POLR1C: variants seen among roughly 807,000 people sequenced by gnomAD.
The protein encoded by POLR1C is RNA polymerase I and III subunit C.
Under a neutral mutation model 38.3 loss-of-function variants are expected in POLR1C, and 42 were observed. The observed-to-expected ratio is 1.10, with a 90% CI of 0.86 to 1.42. The LOEUF (loss-of-function observed/expected upper bound fraction) is 1.42, where lower values mean the gene tolerates loss of function less well. Among genes scored for constraint, POLR1C ranks in the 40% most tolerant of loss-of-function variants. The pLI, the probability that POLR1C is intolerant of heterozygous loss-of-function variation, is 0.00. For synonymous variants in POLR1C, 163 were observed against 163.9 expected, an observed-to-expected ratio of 0.99 and a Z score of 0.04; for missense variants, 507 against 450.5, an observed-to-expected ratio of 1.13 and a Z score of -1.14.
At chr6:43,549,982 G>C in intron 9 of POLR1C, 1 of 1,585,844 alleles carries the variant, frequency 6.3e-7, no homozygotes. Context: ...TTGTTTTAGA[G>C]ATGAGATCTT....
chr6:43,549,649 G>T lies in POLR1C; in HGVS notation c.*5-1319G>T. On this transcript the variant is annotated intron_variant, in intron 9 of 10. Transcript: ENST00000607635. ...ATACAGGTGCTGCATAGACTCATGT[G>T]AATATCTCAGTCAGGGGCAAATTCA... The T allele has an allele frequency of 2.6e-6, 4 of 1,517,498 alleles. No homozygotes were observed. The South Asian group carries it at 4.9e-5, about 18-fold the overall frequency. 94.0% of individuals were successfully genotyped at this position (1,517,498 alleles called of 1,614,324 possible).
downstream of POLR1C, chr6:43,530,559 T>C: frequency 9.2e-7 from 1 of 1,092,782 alleles, no homozygotes; most frequent in Non-Finnish European, 1.3e-6. Flanking sequence ...AATGACATGA[T>C]ACACTTAGAT....
chr6:43,525,853 G>C (rs1344694979), downstream of POLR1C: 1 of 1,614,056 alleles, frequency 6.2e-7, no homozygotes, highest in South Asian at 1.1e-5. Context: ...TGCTTCATCA[G>C]ACATTTGCCC....
chr6:43,538,678 G>A, intron 9 of POLR1C: 1 of 414,106 alleles, frequency 2.4e-6, no homozygotes. Context: ...AGTGATTTAG[G>A]CCTATAATTT....
At chr6:43,560,107 C>T in intron 10 of POLR1C, 2 of 1,536,278 alleles carry the variant, frequency 1.3e-6, no homozygotes, top group Non-Finnish European at 1.8e-6. Context: ...GCGTGAGCCA[C>T]CGCACCCAGC....
At chr6:43,553,557 G>T in intron 10 of POLR1C, 5 of 1,512,608 alleles carry the variant, frequency 3.3e-6, no homozygotes, top group Non-Finnish European at 4.4e-6. Flanking sequence ...ACAATTATCA[G>T]CATTGAAAGA....
intron 9 of POLR1C, among the ~76,000 whole-genome samples, chr6:43,542,147 ATTTT>A (rs936344999): frequency 6.6e-6 from 1 of 152,036 alleles, no homozygotes; most frequent in Non-Finnish European, 1.5e-5. Flanking sequence ...AGTCATTTTT[ATTTT>A]TTAATTTTTA....
intron 9 of POLR1C, chr6:43,549,959 C>A: frequency 6.2e-7 from 1 of 1,609,552 alleles, no homozygotes; most frequent in South Asian, 1.1e-5. Context: ...GAAAAAAGGT[C>A]ACTCATGTTT....
At chr6:43,530,530 G>T, downstream of POLR1C, 1 of 868,082 alleles carries the variant, frequency 1.2e-6, no homozygotes, top group Non-Finnish European at 1.7e-6. Flanking sequence ...TGTTTTCCCT[G>T]CAATCTGCCA....
chr6:43,552,005 T>C (rs1408443961), intron 10 of POLR1C, among the ~76,000 whole-genome samples: 1 of 152,222 alleles, frequency 6.6e-6, no homozygotes, highest in East Asian at 1.9e-4. Context: ...CAGTGTATTA[T>C]TCCCTAAAAC....
downstream of POLR1C, chr6:43,530,863 C>A: frequency 6.3e-7 from 1 of 1,590,394 alleles, no homozygotes; most frequent in Non-Finnish European, 8.6e-7. Context: ...AATGACAAAT[C>A]CAACATCTGT....
rs1308119151 is a variant in POLR1C at position 43,555,665 on chromosome 6, GCTTT to G, written c.*48+4659_*48+4662del. 35 of 668,512 alleles carry G rather than the reference GCTTT, an allele frequency of 5.2e-5. 1 individual carries two copies. The highest frequency in any genetic ancestry group is 3.1e-4 in the South Asian group (8 of 25,766). 41.4% of individuals were successfully genotyped at this position (668,512 alleles called of 1,614,324 possible). On this transcript the variant is annotated intron_variant, in intron 10 of 10. Transcript: ENST00000607635. ...AAAACAAATTTAAAATGTGTCATCT[GCTTT>G]CTTTGTGTCAGCCAATGAAAACGCT...
intron 9 of POLR1C, among the ~76,000 whole-genome samples, chr6:43,548,074 C>T (rs903387911): frequency 1.3e-5 from 2 of 152,146 alleles, no homozygotes; most frequent in African/African-American, 4.8e-5. Context: ...ACTCTGTGCC[C>T]TCCCCACCCA....
downstream of POLR1C, chr6:43,525,295 G>T: frequency 1.5e-6 from 2 of 1,378,894 alleles, no homozygotes; most frequent in African/African-American, 1.5e-5. Flanking sequence ...AGGAGCCGGA[G>T]GGTTTTTTTT....
At chr6:43,548,238 T>A in intron 9 of POLR1C, 1 of 1,560,470 alleles carries the variant, frequency 6.4e-7, no homozygotes, top group Non-Finnish European at 8.7e-7. Flanking sequence ...ATAGTAAGAG[T>A]CAGGGCAAGG....
rs1323525203 is a variant in POLR1C at position 43,520,446 on chromosome 6, T to G, written c.655+19T>G. 6.2e-7 allele frequency: 1 copy of G among 1,613,066 alleles called. No homozygotes were observed. The highest frequency in any genetic ancestry group is 1.1e-5 in the South Asian group (1 of 91,042). On this transcript the variant is annotated intron_variant, in intron 6 of 8. Transcript: ENST00000642195. ...GGCATTGGTGAGAACCCTGTGTGCC[T>G]TCCTGGGAAGGGGGATAGTTCGGTT...
intron 8 of POLR1C, chr6:43,527,358 G>A (rs1793661145): frequency 2.6e-5 from 7 of 273,136 alleles, no homozygotes; most frequent in Non-Finnish European, 3.5e-5. Flanking sequence ...TGCAGCCTCC[G>A]CCTCCCGGGT....
At chr6:43,525,490 C>T (rs765033032), downstream of POLR1C, 85 of 502,640 alleles carry the variant, frequency 1.7e-4, no homozygotes, top group South Asian at 1.1e-3. Context: ...GAGTTTACTT[C>T]CTCTATTTTT....
chr6:43,530,313 A>C (rs1332496102), downstream of POLR1C, among the ~76,000 whole-genome samples: 1 of 151,972 alleles, frequency 6.6e-6, no homozygotes, highest in East Asian at 1.9e-4. Context: ...AATCACAGCT[A>C]GTTAGGAGGC....
Sources: allele counts gnomAD v4.1 joint callset (sites outside exome capture counted in the v4.1 genomes callset), GRCh38; gene constraint gnomAD v4.1.1; transcripts MANE v1.5; gene names NCBI Gene and HGNC (gene_info 2026-07-23, HGNC 2026-07-21).